The following SLC16A14 variants were observed in gnomAD, a reference collection of about 807,000 sequenced individuals.
SLC16A14 encodes monocarboxylate transporter 14.
Under a neutral mutation model 35.8 loss-of-function variants are expected in SLC16A14, and 14 were observed. That is an observed-to-expected ratio of 0.39 (90% confidence interval 0.26 to 0.61). The LOEUF (loss-of-function observed/expected upper bound fraction) is 0.61, where lower values mean the gene tolerates loss of function less well. SLC16A14 is among the 20% of genes least tolerant of loss of function. SLC16A14 has a pLI of 0.51. For missense variants in SLC16A14, 533 were observed against 655.0 expected, an observed-to-expected ratio of 0.81 and a Z score of 2.03; for synonymous variants, 248 against 258.9, an observed-to-expected ratio of 0.96 and a Z score of 0.40.
intron 1 of SLC16A14, among the ~76,000 whole-genome samples, chr2:230,060,086 T>G (rs2077739290): frequency 6.6e-6 from 1 of 152,194 alleles, no homozygotes; most frequent in Non-Finnish European, 1.5e-5. Context: ...AGAAAATTAC[T>G]TCAAAAATAG....
chr2:230,045,546 C>T (rs866741488), intron 4 of SLC16A14, 199 bp downstream of exon 4: 12 of 622,520 alleles, frequency 1.9e-5, no homozygotes, highest in South Asian at 4.2e-5. Context: ...GGCGATAGAG[C>T]GAGACTCCGT....
intron 3 of SLC16A14, among the ~76,000 whole-genome samples, chr2:230,048,935 A>AAAC (rs542591645): frequency 0.19 from 24,707 of 131,874 alleles, 3,759 homozygotes; most frequent in South Asian, 0.32. Context: ...AAAAAAAAAA[A>AAAC]AAAAAAAAAA....
rs1185239456 is a variant in SLC16A14, at chr2:230,044,740, G to GTGTGTGTGTGTA, written c.1381+1004_1381+1005insTACACACACACA. Among the ~76,000 whole-genome samples, 1,315 of 143,028 alleles carry GTGTGTGTGTGTA rather than the reference G, an allele frequency of 9.2e-3. 11 individuals carry two copies. Among genetic ancestry groups the GTGTGTGTGTGTA allele is most frequent in the African/African-American group, 0.034 (1,233 of 36,640 alleles). The allele number at this position is 143,028 out of a possible 152,430, so 93.8% of individuals were successfully genotyped here. A position where few individuals can be genotyped will look rare whatever the true frequency, so the allele number is the denominator to read the frequency against. Reference sequence around the variant, plus strand: ...TGTGTGTGTGTGTGTGTGTGTGTATGTGTGTGTGTGTGTGTGTGTGTGTAG... The same window carrying GTGTGTGTGTGTA: ...TGTGTGTGTGTGTGTGTGTGTGTATGTGTGTGTGTGTATGTGTGTGTGTGTGTGTGTGTGTAG... On this transcript the variant is annotated intron_variant, in intron 4 of 4. Coordinates refer to ENST00000295190, the MANE Select transcript of SLC16A14 (RefSeq NM_152527.5).
In SLC16A14 at chr2:230,038,055, G is replaced by T. The variant is rs1033856302; in HGVS notation, c.1382-524C>A. On this transcript the variant is annotated intron_variant, in intron 4 of 4. Transcript: ENST00000295190. This position sits in a 1 kb window ranked among gnomAD's most constrained non-coding sequence, Gnocchi z 4.4. ...TATTTGAGGGTACACATTTGTTCTA[G>T]AAAGAATCAAAATCTTCAGGTGTTA... Among the ~76,000 whole-genome samples the T allele has an allele frequency of 3.3e-5, 5 of 152,084 alleles. No homozygotes were observed. The highest frequency in any genetic ancestry group is 1.2e-4 in the African/African-American group (5 of 41,420).
At position 230,035,877 on chromosome 2, in the gene SLC16A14, GT is replaced by G. The variant is rs2077515371; in HGVS notation, c.*1502del. On this transcript the variant is annotated 3_prime_UTR_variant, in exon 5 of 5. Transcript: ENST00000295190. ...AGAGAACTTGTCCATTGAATCACTT[GT>G]TAACAGCTCAGAAGGGCATGGTTGA... is the stretch of plus-strand genomic sequence containing the variant. 1.3e-5 allele frequency: 2 copies of G among 152,504 alleles called. No homozygotes were observed. Among genetic ancestry groups the G allele is most frequent in the Admixed American group, 1.3e-4 (2 of 15,276 alleles). The allele number at this position is 152,504 out of a possible 1,614,324, so 9.4% of individuals were successfully genotyped here.
Position 230,046,322 on chromosome 2 carries a change from G to C in SLC16A14, c.804C>G (p.Pro268=). The C allele has an allele frequency of 6.2e-7, 1 of 1,614,082 alleles. No individual in the cohort carries two copies. The highest frequency in any genetic ancestry group is 8.5e-7 in the Non-Finnish European group (1 of 1,180,000). Reference sequence around the variant, plus strand: ...TGTTCTTCCTGTGCCCGGCCTGATCGGGGCACTCCTGGGCTTGCAGGTCGC... The same window carrying C: ...TGTTCTTCCTGTGCCCGGCCTGATCCGGGCACTCCTGGGCTTGCAGGTCGC... ...TLCDLQAQEC[P]DQAGHRKNMC... is the part of the protein sequence containing the mutation. Residue 268 remains proline (P), a synonymous_variant, in exon 4 of 5, where the codon CCC becomes CCG. Transcript: ENST00000295190. This position sits in a 1 kb window ranked among gnomAD's most constrained non-coding sequence, Gnocchi z 5.0.
At chr2:230,060,976 A>C (rs1426155446) in intron 1 of SLC16A14, among the ~76,000 whole-genome samples, 1 of 152,046 alleles carries the variant, frequency 6.6e-6, no homozygotes, top group Non-Finnish European at 1.5e-5. Context: ...GTTGTGTAGG[A>C]GACTTAATGC....
At chr2:230,048,184 A>C (rs2077624795) in intron 3 of SLC16A14, among the ~76,000 whole-genome samples, 3 of 152,226 alleles carry the variant, frequency 2.0e-5, no homozygotes. Flanking sequence ...TCATTTCAAC[A>C]ACCATGTAAA....
In SLC16A14 at chr2:230,045,882, A is replaced by G. The variant is rs1184855615; in HGVS notation, c.1244T>C (p.Ile415Thr). 1.2e-6 allele frequency: 2 copies of G among 1,613,582 alleles called. No individual in the cohort carries two copies. The highest frequency in any genetic ancestry group is 1.7e-6 in the Non-Finnish European group (2 of 1,179,666). Residue 415 changes from isoleucine to threonine, a missense_variant, in exon 4 of 5, where the codon ATA (isoleucine) becomes ACA (threonine). Coordinates refer to ENST00000295190, the MANE Select transcript of SLC16A14 (RefSeq NM_152527.5). Reference protein sequence around the residue: ...YAGLAVICALIGFSSGYFSLM... With the variant: ...YAGLAVICALTGFSSGYFSLM... ...GGAGAAATAACCACTGGAAAACCCT[A>G]TCAGCGCACAGATGACCGCCAGGCC...
intron 2 of SLC16A14, among the ~76,000 whole-genome samples, chr2:230,051,556 A>G (rs2077659947): frequency 1.3e-5 from 2 of 152,228 alleles, no homozygotes; most frequent in South Asian, 4.1e-4. Flanking sequence ...TCTTGTGATC[A>G]ATGATTCCTT....
In SLC16A14 at chr2:230,044,418, C is replaced by T. The variant is rs1242127697; in HGVS notation, c.1381+1327G>A. Among the ~76,000 whole-genome samples the T allele has an allele frequency of 2.7e-5, 4 of 147,862 alleles. No individual in the cohort carries two copies. The South Asian group carries it at 6.3e-4, about 23-fold the overall frequency. ...GCTTGAACTTGGGAGGCGGAGGTTGCGTTAAGCTGAGATCACGCCACTGCA... is the reference window on the plus strand; with the variant it reads ...GCTTGAACTTGGGAGGCGGAGGTTGTGTTAAGCTGAGATCACGCCACTGCA... On this transcript the variant is annotated intron_variant, in intron 4 of 4. Coordinates refer to ENST00000295190, the MANE Select transcript of SLC16A14 (RefSeq NM_152527.5).
intron 4 of SLC16A14, among the ~76,000 whole-genome samples, chr2:230,041,614 G>A (rs1348277213): frequency 2.0e-5 from 3 of 152,088 alleles, no homozygotes; most frequent in Non-Finnish European, 4.4e-5. Context: ...ACAGGCATGA[G>A]CCACCGCACC....
chr2:230,047,828 A>G (rs2077622151), intron 3 of SLC16A14, among the ~76,000 whole-genome samples: 1 of 152,220 alleles, frequency 6.6e-6, no homozygotes, highest in Non-Finnish European at 1.5e-5. Flanking sequence ...ATCACATTTG[A>G]CTCCACAAAT....
intron 4 of SLC16A14, among the ~76,000 whole-genome samples, chr2:230,040,045 T>G (rs2077548049): frequency 6.6e-6 from 1 of 152,126 alleles, no homozygotes; most frequent in African/African-American, 2.4e-5. Context: ...CTTGGCTCCT[T>G]GTCTGAACAT....
At chr2:230,063,012 G>T (rs1288048244) in intron 1 of SLC16A14, among the ~76,000 whole-genome samples, 1 of 152,114 alleles carries the variant, frequency 6.6e-6, no homozygotes, top group African/African-American at 2.4e-5. Context: ...TTCCAGGCCG[G>T]CGCAGTGGTT....
Position 230,049,814 on chromosome 2 carries a change from C to G in SLC16A14, c.350G>C (p.Ser117Thr), listed in dbSNP as rs1479587616. 6.2e-7 allele frequency: 1 copy of G among 1,614,182 alleles called. No homozygotes were observed. The highest frequency in any genetic ancestry group is 2.2e-5 in the East Asian group (1 of 44,892). The change falls in exon 3 of 5, where the codon AGT becomes ACT. Residue 117 changes from serine to threonine, a missense_variant. By Grantham distance (58) the Ser-to-Thr change is moderately conservative. Transcript: ENST00000295190. ...GLVNSLGWVL[S>T]AYAANVHYLF... The stretch of plus-strand genomic sequence containing the variant: ...ATAATGCACGTTTGCAGCATAGGCA[C>G]TCAACACCCAGCCCAGGGAGTTGAC...
At chr2:230,063,107 G>A (rs1366019876) in intron 1 of SLC16A14, among the ~76,000 whole-genome samples, 4 of 151,978 alleles carry the variant, frequency 2.6e-5, no homozygotes, top group African/African-American at 2.4e-5. Flanking sequence ...GGCCAACATG[G>A]TAAACCCCGT....
chr2:230,049,166 T>C (rs2077635741), intron 3 of SLC16A14, among the ~76,000 whole-genome samples: 1 of 150,922 alleles, frequency 6.6e-6, no homozygotes, highest in South Asian at 2.1e-4. Context: ...GCCTCCTGGG[T>C]TAAAACTATT....
intron 4 of SLC16A14, among the ~76,000 whole-genome samples, chr2:230,044,980 G>T (rs1028704852): frequency 3.9e-5 from 6 of 152,102 alleles, no homozygotes; most frequent in Non-Finnish European, 8.8e-5. Context: ...GTGTTCTGTT[G>T]CACCTGCCAC....
Sources: allele counts gnomAD v4.1 joint callset (sites outside exome capture counted in the v4.1 genomes callset), GRCh38; gene constraint gnomAD v4.1.1; non-coding constraint Gnocchi (gnomAD v3.1); transcripts MANE v1.5; gene names NCBI Gene and HGNC (gene_info 2026-07-23, HGNC 2026-07-21).